GRM8: variants seen among roughly 807,000 people sequenced by gnomAD.
The protein encoded by GRM8 is metabotropic glutamate receptor 8.
A neutral mutation model predicts 87.2 loss-of-function variants in GRM8; 47 were observed. The ratio of observed to expected loss-of-function variants is 0.54; its 90% CI spans 0.43 to 0.69. The LOEUF (loss-of-function observed/expected upper bound fraction) is 0.69, where lower values mean the gene tolerates loss of function less well. GRM8 is among the 30% of genes least tolerant of loss of function. GRM8 has a pLI of 0.00. For missense variants in GRM8, 1,019 were observed against 1,139.2 expected (o/e 0.89, Z 1.52); for synonymous variants, 396 against 404.5 (o/e 0.98, Z 0.25).
At chr7:126,991,011 TAAATGTA>T (rs1245207043) in intron 3 of GRM8, among the ~76,000 whole-genome samples, 1 of 152,232 alleles carries the variant, frequency 6.6e-6, no homozygotes, top group Non-Finnish European at 1.5e-5. Context: ...ATGTATAATG[TAAATGTA>T]AAATGTACAT....
At chr7:127,190,456 A>G (rs2116479203) in intron 2 of GRM8, among the ~76,000 whole-genome samples, 1 of 152,160 alleles carries the variant, frequency 6.6e-6, no homozygotes, top group East Asian at 1.9e-4. Context: ...AGACAGGAGA[A>G]TTGCTTGAAC....
intron 3 of GRM8, among the ~76,000 whole-genome samples, chr7:127,031,086 A>T (rs1817314665): frequency 6.6e-6 from 1 of 152,124 alleles, no homozygotes; most frequent in African/African-American, 2.4e-5. Flanking sequence ...TCAGCAGAGG[A>T]ACCACACAGT....
chr7:126,946,278 G>A (rs999159721), intron 3 of GRM8, among the ~76,000 whole-genome samples: 3 of 152,202 alleles, frequency 2.0e-5, no homozygotes, highest in African/African-American at 7.2e-5. Flanking sequence ...AAGGCAGGAG[G>A]TTCACTTGAG....
intron 6 of GRM8, among the ~76,000 whole-genome samples, chr7:126,838,948 G>C (rs1017010960): frequency 2.0e-5 from 3 of 152,182 alleles, no homozygotes; most frequent in Admixed American, 1.3e-4. Context: ...GCAGGTGACT[G>C]AATGGCTGCT....
chr7:127,075,422 A>T (rs1685570444), intron 3 of GRM8, among the ~76,000 whole-genome samples: 1 of 152,212 alleles, frequency 6.6e-6, no homozygotes, highest in African/African-American at 2.4e-5. Flanking sequence ...ATTGATAGAA[A>T]TACACTAAAA....
intron 2 of GRM8, among the ~76,000 whole-genome samples, chr7:127,131,057 AG>A (rs1213246000): frequency 6.6e-6 from 1 of 152,206 alleles, no homozygotes; most frequent in Non-Finnish European, 1.5e-5. Flanking sequence ...TAATTGTCTG[AG>A]CATGTGTTGC....
At chr7:127,016,571 A>G (rs1414970347) in intron 3 of GRM8, among the ~76,000 whole-genome samples, 2 of 152,096 alleles carry the variant, frequency 1.3e-5, no homozygotes, top group African/African-American at 4.8e-5. Context: ...ATGGTGACAG[A>G]GATAAATTTC....
At chr7:127,174,323 G>A (rs1793976658) in intron 2 of GRM8, among the ~76,000 whole-genome samples, 1 of 152,120 alleles carries the variant, frequency 6.6e-6, no homozygotes, top group South Asian at 2.1e-4. Flanking sequence ...GACCCCTGGA[G>A]AAAGATTTGT....
At chr7:126,525,496 C>A (rs1813694920) in intron 9 of GRM8, among the ~76,000 whole-genome samples, 1 of 152,190 alleles carries the variant, frequency 6.6e-6, no homozygotes, top group South Asian at 2.1e-4. Context: ...TGGCCCATAT[C>A]TCCTGAAATG....
intron 2 of GRM8, among the ~76,000 whole-genome samples, chr7:127,122,162 T>C (rs1051629519): frequency 6.6e-6 from 1 of 152,208 alleles, no homozygotes; most frequent in African/African-American, 2.4e-5. Flanking sequence ...ACATAGCAGA[T>C]AACACATGGA....
At chr7:127,238,293 G>A (rs17875103) in intron 2 of GRM8, among the ~76,000 whole-genome samples, 2 of 146,164 alleles carry the variant, frequency 1.4e-5, no homozygotes, top group Non-Finnish European at 3.0e-5. Flanking sequence ...GCTGATATAC[G>A]ATGTGTGTGT....
At chr7:127,110,824 G>T (rs1024446628) in intron 2 of GRM8, among the ~76,000 whole-genome samples, 1 of 152,138 alleles carries the variant, frequency 6.6e-6, no homozygotes, top group African/African-American at 2.4e-5. Flanking sequence ...GAGGGGGAAA[G>T]AAATCAAAGC....
At position 126,914,901 on chromosome 7, in the gene GRM8, AC is replaced by A. The variant is rs1020474036; in HGVS notation, c.728-10219del. On this transcript the variant is annotated intron_variant, in intron 3 of 10. Coordinates refer to ENST00000339582, the MANE Select transcript of GRM8 (RefSeq NM_000845.3). The stretch of plus-strand genomic sequence containing the variant: ...ACCCCTGTAACAAACCTGCTCATGT[AC>A]CCCCCCAATCTAAAATAAAAATAGA... Among the ~76,000 whole-genome samples the A allele has an allele frequency of 6.6e-5, 10 of 152,018 alleles. No homozygotes were observed. The East Asian group carries it at 1.2e-3, about 18-fold the overall frequency.
intron 2 of GRM8, among the ~76,000 whole-genome samples, chr7:127,185,754 C>A (rs1347876805): frequency 6.6e-6 from 1 of 152,108 alleles, no homozygotes; most frequent in Non-Finnish European, 1.5e-5. Flanking sequence ...GATCCAGGAT[C>A]CCTGGCAATG....
rs900652980 is a variant in GRM8, at chr7:126,842,102, T to G, written c.1156+60440A>C. Among the ~76,000 whole-genome samples the G allele has an allele frequency of 1.2e-3, 178 of 152,248 alleles. 1 individual carries two copies. The highest frequency in any genetic ancestry group is 4.2e-3 in the African/African-American group (173 of 41,550). On this transcript the variant is annotated intron_variant, in intron 6 of 10. Transcript: ENST00000339582. ...GAACACAATAATTTGAAGAAAAAAT[T>G]TAAATATGGTTTCTCTGCCTACAAT...
chr7:126,599,118 G>A (rs765182985), intron 8 of GRM8, among the ~76,000 whole-genome samples: 8 of 152,100 alleles, frequency 5.3e-5, no homozygotes, highest in South Asian at 2.1e-4. Flanking sequence ...CTCTAAGGCC[G>A]TCTTCAGTAT....
At chr7:127,236,136 A>G (rs13227115) in intron 2 of GRM8, among the ~76,000 whole-genome samples, 31,354 of 151,898 alleles carry the variant, frequency 0.21, 4,146 homozygotes, top group Non-Finnish European at 0.3. Context: ...ATCATCTCAC[A>G]TTTTTTTTGG....
intron 9 of GRM8, among the ~76,000 whole-genome samples, chr7:126,522,964 A>G (rs1366664154): frequency 6.6e-6 from 1 of 152,362 alleles, no homozygotes; most frequent in East Asian, 1.9e-4. Context: ...AGGTTTTTGC[A>G]TAAAGCAAAC....
chr7:126,518,056 A>G (rs1812431929), intron 9 of GRM8, among the ~76,000 whole-genome samples: 1 of 152,100 alleles, frequency 6.6e-6, no homozygotes, highest in Non-Finnish European at 1.5e-5. Context: ...CCAACACTTT[A>G]CAATTTGTCA....
Sources: gnomAD v4.1 joint callset for allele counts (sites outside exome capture counted in the v4.1 genomes callset) on GRCh38, gnomAD v4.1.1 for gene constraint, MANE v1.5 for transcripts, NCBI Gene and HGNC (gene_info 2026-07-23, HGNC 2026-07-21) for gene names.